Variants in KCNN2 observed in about 807,000 individuals in gnomAD.
The protein encoded by KCNN2 is small conductance calcium-activated potassium channel protein 2.
In KCNN2, 24 loss-of-function variants were observed where a neutral mutation model predicts 55.5. The observed-to-expected ratio is 0.43, with a 90% CI of 0.31 to 0.61. The LOEUF (loss-of-function observed/expected upper bound fraction) is 0.61, where lower values mean the gene tolerates loss of function less well. Ranked by LOEUF, KCNN2 falls within the 20% of genes least tolerant of loss-of-function variation. KCNN2 has a pLI of 0.08. For synonymous variants in KCNN2, 431 were observed against 336.1 expected (o/e 1.28, Z -3.09); for missense variants, 754 against 853.6 (o/e 0.88, Z 1.45).
At chr5:114,214,582 A>T (rs1273450898) in intron 1 of KCNN2, among the ~76,000 whole-genome samples, 1 of 152,094 alleles carries the variant, frequency 6.6e-6, no homozygotes, top group Non-Finnish European at 1.5e-5. Flanking sequence ...TTCTAGTAGC[A>T]CTGGTGCTTG....
chr5:114,404,274 A>G (rs550259967), intron 2 of KCNN2, among the ~76,000 whole-genome samples, 164 bp from the exon 3 acceptor site: 4 of 152,210 alleles, frequency 2.6e-5, no homozygotes, highest in Non-Finnish European at 4.4e-5. Context: ...ATGAATACCA[A>G]TACCCTTTAC....
chr5:114,459,056 G>T (rs1011563850), intron 3 of KCNN2, among the ~76,000 whole-genome samples: 2 of 152,198 alleles, frequency 1.3e-5, no homozygotes, highest in Non-Finnish European at 2.9e-5. Context: ...ATAGAAAGCT[G>T]TCATATTTGT....
intron 2 of KCNN2, among the ~76,000 whole-genome samples, chr5:114,242,179 G>T (rs940415614): frequency 1.3e-5 from 2 of 151,894 alleles, no homozygotes; most frequent in African/African-American, 4.8e-5. Context: ...TTAGAGGGAG[G>T]TATGATCTCT....
At chr5:114,302,774 A>G (rs1756193721) in intron 2 of KCNN2, among the ~76,000 whole-genome samples, 1 of 152,134 alleles carries the variant, frequency 6.6e-6, no homozygotes, top group East Asian at 1.9e-4. Context: ...CTGGGTTTAG[A>G]ACAAGGTTTC....
chr5:114,153,222 T>C (rs1399352398), intron 1 of KCNN2, among the ~76,000 whole-genome samples: 1 of 152,186 alleles, frequency 6.6e-6, no homozygotes, highest in East Asian at 1.9e-4. Context: ...AAGTACTGTT[T>C]TGACAGTGAG....
At chr5:114,136,266 C>T (rs553749752) in intron 1 of KCNN2, among the ~76,000 whole-genome samples, 2 of 152,246 alleles carry the variant, frequency 1.3e-5, no homozygotes, top group South Asian at 4.1e-4. Flanking sequence ...GTTGCTATAT[C>T]TTGAGAGTGG....
intron 3 of KCNN2, among the ~76,000 whole-genome samples, chr5:114,413,488 A>G (rs1759198917): frequency 6.6e-6 from 1 of 152,146 alleles, no homozygotes; most frequent in Non-Finnish European, 1.5e-5. Context: ...GGGTTTCACC[A>G]TGTTGGCCAG....
At chr5:114,265,558 T>C (rs1488032350) in intron 2 of KCNN2, among the ~76,000 whole-genome samples, 2 of 152,198 alleles carry the variant, frequency 1.3e-5, no homozygotes, top group African/African-American at 4.8e-5. Context: ...ACCAGTGTCC[T>C]AGCTCAACAG....
intron 1 of KCNN2, among the ~76,000 whole-genome samples, chr5:114,145,398 G>T (rs1752377582): frequency 6.6e-6 from 1 of 152,130 alleles, no homozygotes; most frequent in African/African-American, 2.4e-5. Context: ...AGGTCCTAAA[G>T]GCTTATATTG....
chr5:114,299,453 C>G (rs1230073422), intron 2 of KCNN2, among the ~76,000 whole-genome samples: 2 of 152,152 alleles, frequency 1.3e-5, no homozygotes, highest in African/African-American at 4.8e-5. Flanking sequence ...AAACAATAAA[C>G]AAATATAAAA....
intron 2 of KCNN2, among the ~76,000 whole-genome samples, chr5:114,397,851 C>T (rs1016741837): frequency 6.6e-6 from 1 of 152,158 alleles, no homozygotes; most frequent in African/African-American, 2.4e-5. Context: ...AAAGTCTGTT[C>T]ATGTCCTTTG....
chr5:114,201,323 A>C (rs1753669553), intron 1 of KCNN2, among the ~76,000 whole-genome samples: 1 of 152,096 alleles, frequency 6.6e-6, no homozygotes. Flanking sequence ...TAATAACTAT[A>C]AGAGGGTAGT....
chr5:114,311,674 AC>A (rs1424636367), intron 2 of KCNN2, among the ~76,000 whole-genome samples: 6 of 152,048 alleles, frequency 3.9e-5, no homozygotes, highest in Non-Finnish European at 8.8e-5. Flanking sequence ...GGTGCCATTT[AC>A]CTAGCCATTT....
At chr5:114,176,917 C>T (rs1298252911) in intron 1 of KCNN2, among the ~76,000 whole-genome samples, 1 of 152,132 alleles carries the variant, frequency 6.6e-6, no homozygotes, top group African/African-American at 2.4e-5. Flanking sequence ...CTCTCTCTCT[C>T]TCCAGTGTGC....
intron 1 of KCNN2, among the ~76,000 whole-genome samples, chr5:114,191,092 A>G (rs956781416): frequency 6.6e-6 from 1 of 152,204 alleles, no homozygotes; most frequent in Non-Finnish European, 1.5e-5. Context: ...ATGTCAAAAC[A>G]TAGATGTAAA....
intron 2 of KCNN2, among the ~76,000 whole-genome samples, chr5:114,324,833 C>T (rs909482566): frequency 1.3e-5 from 2 of 152,174 alleles, no homozygotes; most frequent in African/African-American, 4.8e-5. Context: ...TTGCCTTTCA[C>T]AGGCTGTTAG....
At chr5:114,257,231 T>C (rs1755001169) in intron 2 of KCNN2, among the ~76,000 whole-genome samples, 2 of 152,188 alleles carry the variant, frequency 1.3e-5, no homozygotes, top group Non-Finnish European at 2.9e-5. Context: ...TCTACTTTTA[T>C]ACCAGGACCA....
intron 3 of KCNN2, among the ~76,000 whole-genome samples, chr5:114,449,827 C>A (rs1760576052): frequency 6.6e-6 from 1 of 151,624 alleles, no homozygotes; most frequent in Admixed American, 6.6e-5. Flanking sequence ...GATGCTGCCT[C>A]CTCAGATCTG....
At chr5:114,139,807 T>C (rs1175862548) in intron 1 of KCNN2, among the ~76,000 whole-genome samples, 2 of 151,886 alleles carry the variant, frequency 1.3e-5, no homozygotes, top group Non-Finnish European at 2.9e-5. Flanking sequence ...TTTATATTAG[T>C]TCATATAGAT....
Sources: allele counts gnomAD v4.1 joint callset (sites outside exome capture counted in the v4.1 genomes callset), GRCh38; gene constraint gnomAD v4.1.1; transcripts MANE v1.5; gene names NCBI Gene and HGNC (gene_info 2026-07-23, HGNC 2026-07-21).